TRIM10: variants seen among roughly 807,000 people sequenced by gnomAD.
The protein encoded by TRIM10 is tripartite motif containing 10.
TRIM10 carries 42 observed loss-of-function variants against 40.0 expected under a neutral mutation model. The ratio of observed to expected loss-of-function variants is 1.05; its 90% confidence interval spans 0.82 to 1.36. The LOEUF (loss-of-function observed/expected upper bound fraction) is 1.36, where lower values mean the gene tolerates loss of function less well. TRIM10 is among the 40% of genes most tolerant of loss of function. The pLI is 0.00. For missense variants in TRIM10, 601 were observed against 608.3 expected, an observed-to-expected ratio of 0.99 and a Z score of 0.13; for synonymous variants, 260 against 239.5, an observed-to-expected ratio of 1.09 and a Z score of -0.79.
intron 5 of TRIM10, chr6:30,156,701 G>T: frequency 3.2e-6 from 2 of 626,768 alleles, no homozygotes; most frequent in South Asian, 1.8e-5. Context: ...CAGATTTGTT[G>T]AATTATTTTA....
intron 6 of TRIM10, among the ~76,000 whole-genome samples, chr6:30,155,145 G>C (rs1772407545): frequency 6.6e-6 from 1 of 152,092 alleles, no homozygotes; most frequent in Admixed American, 6.5e-5. Context: ...CCATCTGTGG[G>C]TTAGAGAACC....
chr6:30,154,556 C>T (rs1434477572), intron 6 of TRIM10, 70 bp from the exon 7 acceptor site: 4 of 1,568,764 alleles, frequency 2.5e-6, no homozygotes, highest in Non-Finnish European at 3.5e-6. Context: ...CATAGAAACT[C>T]CCCCTGGGCC....
chr6:30,163,972 C>T (rs1351100149), upstream of TRIM10: 1 of 1,613,138 alleles, frequency 6.2e-7, no homozygotes, highest in Non-Finnish European at 8.5e-7. Context: ...TCTGCGAGAA[C>T]GATGCCGAGT....
upstream of TRIM10, chr6:30,163,792 C>A: frequency 6.2e-7 from 1 of 1,612,988 alleles, no homozygotes; most frequent in Non-Finnish European, 8.5e-7. Context: ...ACACCTTCTG[C>A]CGGCTCTGCC....
At chr6:30,159,585 C>T (rs1363243877) in intron 1 of TRIM10, among the ~76,000 whole-genome samples, 2 of 152,112 alleles carry the variant, frequency 1.3e-5, no homozygotes, top group Non-Finnish European at 1.5e-5. Context: ...GTTTGATATG[C>T]CCCGCACTGA....
In TRIM10 at chr6:30,159,388, C is replaced by G. The variant is rs548074083; in HGVS notation, c.430-143G>C. On this transcript the variant is annotated intron_variant, in intron 1 of 6. Transcript: ENST00000449742. ...GCTGACAATCCCCGAGCCTTCACCA[C>G]CCTGACAGCTTACTCCCTTTGGGTC... 623 of 621,814 alleles carry G rather than the reference C, an allele frequency of 1.0e-3. 10 individuals carry two copies. In the South Asian group the frequency reaches 0.011, roughly 11 times the overall value. 38.5% of individuals were successfully genotyped at this position (621,814 alleles called of 1,614,324 possible). A position where few individuals can be genotyped will look rare whatever the true frequency, so the allele number is the denominator to read the frequency against.
rs929024001 is a variant in TRIM10, at chr6:30,160,690, A to G, written c.169T>C (p.Cys57Arg). The G allele has an allele frequency of 1.2e-6, 2 of 1,614,216 alleles. No individual in the cohort carries two copies. The highest frequency in any genetic ancestry group is 3.3e-5 in the Admixed American group (2 of 60,032). Residue 57 changes from cysteine (C) to arginine (R), a missense_variant, in exon 1 of 7, where the codon TGC becomes CGC. Physicochemically the swap from Cys to Arg is radical, Grantham distance 180. Coordinates refer to ENST00000449742, the MANE Select transcript of TRIM10 (RefSeq NM_006778.4). The part of the protein sequence containing the change: ...PGPDLEESPT[C>R]PLCKEPFRPG... The stretch of plus-strand genomic sequence containing the variant: ...CGGAAGGGTTCTTTGCAGAGTGGGC[A>G]AGTAGGGGACTCCTCCAGGTCTGGG...
rs182686800 is a variant in TRIM10, at chr6:30,159,317, C to T, written c.430-72G>A. The T allele has an allele frequency of 1.2e-4, 135 of 1,093,036 alleles. No individual in the cohort carries two copies. In the African/African-American group the frequency reaches 1.9e-3, roughly 16 times the overall value. 67.7% of individuals were successfully genotyped at this position (1,093,036 alleles called of 1,614,324 possible). A position where few individuals can be genotyped will look rare whatever the true frequency, so the allele number is the denominator to read the frequency against. On this transcript the variant is annotated intron_variant, in intron 1 of 6. Coordinates refer to ENST00000449742, the MANE Select transcript of TRIM10 (RefSeq NM_006778.4). The stretch of plus-strand genomic sequence containing the variant: ...CAGGTTTGTCTGGTCATCTGACCCT[C>T]TGCCTCCAGGAATGAAATGGCCCCA...
At chr6:30,154,817 G>A (rs571018301) in intron 6 of TRIM10, 58 of 607,902 alleles carry the variant, frequency 9.5e-5, no homozygotes, top group African/African-American at 9.0e-5. Flanking sequence ...AAAGCTGTGC[G>A]TGCCAGCTTG....
upstream of TRIM10, chr6:30,163,269 AGG>A: frequency 5.1e-6 from 1 of 196,848 alleles, no homozygotes. Flanking sequence ...TCAATCTGAC[AGG>A]AAGCTTCTGC....
intron 2 of TRIM10, 99 bp downstream of exon 2, chr6:30,159,051 A>G (rs941820568): frequency 1.4e-5 from 11 of 778,820 alleles, no homozygotes; most frequent in Non-Finnish European, 2.2e-5. Flanking sequence ...ATTTAAACTC[A>G]TAATAACTTC....
At position 30,154,103 on chromosome 6, in the gene TRIM10, C is replaced by G. The variant is rs1772276320; in HGVS notation, c.1312G>C (p.Glu438Gln). 6.2e-7 allele frequency: 1 copy of G among 1,612,908 alleles called. No homozygotes were observed. The highest frequency in any genetic ancestry group is 1.1e-5 in the South Asian group (1 of 91,086). ...PRQVRVSLDY[E>Q]VGWVTFTNAV... is the part of the protein sequence containing the mutation. ...TTGGTGAAGGTCACCCAGCCCACCT[C>G]ATAGTCAAGAGACACCCTCACCTGC... Residue 438 changes from glutamate to glutamine, a missense_variant, in exon 7 of 7, where the codon GAG becomes CAG. Physicochemically the swap from Glu to Gln is conservative, Grantham distance 29. Coordinates refer to ENST00000449742, the MANE Select transcript of TRIM10 (RefSeq NM_006778.4).
intron 6 of TRIM10, 111 bp downstream of exon 6, chr6:30,155,616 T>C: frequency 2.2e-6 from 2 of 899,806 alleles, no homozygotes; most frequent in Non-Finnish European, 3.5e-6. Flanking sequence ...CCATGGGTGT[T>C]TGTTATGACT....
In TRIM10 at chr6:30,160,871, G is replaced by C. The variant is rs184928961; in HGVS notation, c.-13C>G. Reference sequence around the variant, plus strand: ...CAGCAGAGGCCATGCTGGTCCTGCTGCTATGGCTTCCTCAAGGCCACTCTC... The same window carrying C: ...CAGCAGAGGCCATGCTGGTCCTGCTCCTATGGCTTCCTCAAGGCCACTCTC... On this transcript the variant is annotated 5_prime_UTR_variant, in exon 1 of 7. Transcript: ENST00000449742. The C allele has an allele frequency of 1.2e-4, 195 of 1,592,720 alleles. 2 individuals carry two copies. The East Asian group carries it at 4.4e-3, about 36-fold the overall frequency.
At chr6:30,160,112 G>T (rs1772932446) in intron 1 of TRIM10, among the ~76,000 whole-genome samples, 1 of 152,120 alleles carries the variant, frequency 6.6e-6, no homozygotes, top group African/African-American at 2.4e-5. Context: ...CACACTGTTT[G>T]TACAATCATT....
chr6:30,157,027 C>T lies in TRIM10; in HGVS notation c.807G>A (p.Pro269=), dbSNP rs745589949. The change falls in exon 5 of 7, where the codon CCG becomes CCA. Residue 269 remains proline (P), a synonymous_variant. Coordinates refer to ENST00000449742, the MANE Select transcript of TRIM10 (RefSeq NM_006778.4). ...GGCCCAGCTCTGGCGACACAGCCAC[C>T]GGTTTCCGGCACTTTCTGGTTTCAC... ...IRCETRKCRK[P]VAVSPELGQR... 1.7e-5 allele frequency: 28 copies of T among 1,612,948 alleles called. No homozygotes were observed. The highest frequency in any genetic ancestry group is 2.7e-5 in the African/African-American group (2 of 74,930).
At chr6:30,159,021 G>T in intron 2 of TRIM10, 129 bp downstream of exon 2, 1 of 654,942 alleles carries the variant, frequency 1.5e-6, no homozygotes, top group South Asian at 1.9e-5. Context: ...TGAGGTCATA[G>T]AGTTAGTGTC....
upstream of TRIM10, among the ~76,000 whole-genome samples, chr6:30,161,534 A>T (rs938461902): frequency 3.4e-5 from 5 of 149,000 alleles, no homozygotes; most frequent in African/African-American, 1.2e-4. Context: ...ACTTACATTG[A>T]TACAAGCAAT....
chr6:30,160,297 G>A, intron 1 of TRIM10, 133 bp downstream of exon 1: 5 of 942,876 alleles, frequency 5.3e-6, no homozygotes, highest in African/African-American at 1.7e-5. Flanking sequence ...CCATGCCTGG[G>A]TCTATTGCCT....
Sources: gnomAD v4.1 joint callset for allele counts (sites outside exome capture counted in the v4.1 genomes callset) on GRCh38, gnomAD v4.1.1 for gene constraint, MANE v1.5 for transcripts, NCBI Gene and HGNC (gene_info 2026-07-23, HGNC 2026-07-21) for gene names.